The following IPCEF1 variants were observed in gnomAD, a reference collection of about 807,000 sequenced individuals.
The protein encoded by IPCEF1 is interaction protein for cytohesin exchange factors 1, also known as interactor protein for cytohesin exchange factors 1.
In IPCEF1, 31 loss-of-function variants were observed where a neutral mutation model predicts 50.9. The ratio of observed to expected loss-of-function variants is 0.61; its 90% confidence interval spans 0.46 to 0.82. IPCEF1 has a LOEUF of 0.82. IPCEF1 is among the 40% of genes least tolerant of loss of function. The pLI is 0.00. For synonymous variants in IPCEF1, 181 were observed against 192.0 expected, an observed-to-expected ratio of 0.94 and a Z score of 0.47; for missense variants, 458 against 514.0, an observed-to-expected ratio of 0.89 and a Z score of 1.05.
chr6:154,275,471 G>A (rs190718582), intron 2 of IPCEF1, among the ~76,000 whole-genome samples: 65 of 152,276 alleles, frequency 4.3e-4, no homozygotes, highest in African/African-American at 1.4e-3. Flanking sequence ...CACTCCAGCC[G>A]GTGGGGCAAG....
chr6:154,261,258 C>T (rs1034274723), intron 3 of IPCEF1, among the ~76,000 whole-genome samples: 11 of 152,002 alleles, frequency 7.2e-5, no homozygotes, highest in Admixed American at 2.0e-4. Context: ...AACTCCTGGC[C>T]TCAAGTGATC....
At chr6:154,356,351 A>T (rs1211498422) in intron 1 of IPCEF1, among the ~76,000 whole-genome samples, 3 of 152,188 alleles carry the variant, frequency 2.0e-5, no homozygotes, top group African/African-American at 7.2e-5. Context: ...ACTCCTCAGG[A>T]CCCAAATACA....
rs56231733 is a variant in IPCEF1, at chr6:154,192,318, C to CTGTG, written c.910+7346_910+7349dup. ...GACCCAAATGGTGGCCACGTGGTTA[C>CTGTG]TGTGTGTGTGTGTGTGTGTGTGTGT... On this transcript the variant is annotated intron_variant, in intron 10 of 11. Transcript: ENST00000367220. Among the ~76,000 whole-genome samples, 1,154 of 148,114 alleles carry CTGTG rather than the reference C, an allele frequency of 7.8e-3. 6 individuals carry two copies. Among genetic ancestry groups the CTGTG allele is most frequent in the African/African-American group, 0.021 (844 of 40,076 alleles).
intron 1 of IPCEF1, among the ~76,000 whole-genome samples, chr6:154,314,585 C>T (rs780631321): frequency 7.2e-5 from 11 of 152,258 alleles, no homozygotes; most frequent in Middle Eastern, 3.4e-3. Flanking sequence ...AATTCCTTTG[C>T]CTCATCTAAC....
chr6:154,315,363 G>A (rs1011836357), intron 1 of IPCEF1, among the ~76,000 whole-genome samples: 6 of 152,162 alleles, frequency 3.9e-5, no homozygotes, highest in African/African-American at 1.4e-4. Context: ...GGGAAAAACA[G>A]GGTCCGTGAA....
chr6:154,337,568 C>G (rs1412598911), intron 1 of IPCEF1, among the ~76,000 whole-genome samples: 2 of 152,036 alleles, frequency 1.3e-5, no homozygotes, highest in Non-Finnish European at 2.9e-5. Flanking sequence ...GCCTCAGCAG[C>G]TGAATTAGCC....
At chr6:154,214,373 T>C in intron 7 of IPCEF1, 97 bp from the exon 8 acceptor site, 1 of 860,868 alleles carries the variant, frequency 1.2e-6, no homozygotes. Context: ...GTCATGATTC[T>C]ACCATCAGTC....
At chr6:154,270,730 C>G (rs1361830168) in intron 2 of IPCEF1, among the ~76,000 whole-genome samples, 1 of 152,204 alleles carries the variant, frequency 6.6e-6, no homozygotes, top group East Asian at 1.9e-4. Context: ...AATCCCAGCA[C>G]TTTGGGAGGC....
intron 2 of IPCEF1, among the ~76,000 whole-genome samples, chr6:154,276,690 G>A (rs1782071836): frequency 1.3e-5 from 2 of 152,210 alleles, no homozygotes; most frequent in Non-Finnish European, 2.9e-5. Flanking sequence ...TGCTGTCTCA[G>A]AATAATCTTT....
intron 1 of IPCEF1, among the ~76,000 whole-genome samples, chr6:154,340,614 G>A (rs938575196): frequency 5.3e-5 from 8 of 151,790 alleles, no homozygotes; most frequent in South Asian, 4.2e-4. Context: ...GGCCAGGCGC[G>A]GTGACTCACG....
At chr6:154,293,849 A>G (rs1009981906) in intron 1 of IPCEF1, among the ~76,000 whole-genome samples, 2 of 152,224 alleles carry the variant, frequency 1.3e-5, no homozygotes, top group Non-Finnish European at 2.9e-5. Flanking sequence ...AAATATATAA[A>G]TTGGGGCAAG....
intron 2 of IPCEF1, among the ~76,000 whole-genome samples, chr6:154,276,282 A>AG (rs1782058600): frequency 1.1e-4 from 1 of 8,930 alleles, no homozygotes; most frequent in Non-Finnish European, 2.3e-4. Flanking sequence ...AAAAAAGAAA[A>AG]GAAAAAAAAA....
intron 3 of IPCEF1, among the ~76,000 whole-genome samples, chr6:154,251,898 G>T (rs1425923505): frequency 6.6e-6 from 1 of 151,780 alleles, no homozygotes; most frequent in Non-Finnish European, 1.5e-5. Flanking sequence ...GAAGAGCAAA[G>T]TTCCAGGGAA....
chr6:154,279,061 G>A (rs1412774086), intron 2 of IPCEF1, among the ~76,000 whole-genome samples: 2 of 151,176 alleles, frequency 1.3e-5, no homozygotes, highest in Non-Finnish European at 1.5e-5. Flanking sequence ...GGGGATAGAG[G>A]TTGCACTGAG....
chr6:154,208,120 C>T (rs1777653269), intron 9 of IPCEF1, among the ~76,000 whole-genome samples: 1 of 152,142 alleles, frequency 6.6e-6, no homozygotes, highest in Non-Finnish European at 1.5e-5. Context: ...TTATATCCCT[C>T]CTCTGCTCAA....
chr6:154,280,274 CA>C (rs1433071715), intron 2 of IPCEF1, among the ~76,000 whole-genome samples: 3 of 152,052 alleles, frequency 2.0e-5, no homozygotes, highest in Non-Finnish European at 4.4e-5. Context: ...ACAACCAGAA[CA>C]AAAAACAGGG....
chr6:154,226,342 G>A (rs553732833), intron 5 of IPCEF1, among the ~76,000 whole-genome samples: 12 of 152,226 alleles, frequency 7.9e-5, no homozygotes, highest in African/African-American at 2.4e-4. Context: ...CATGGGCCCC[G>A]CAAGAGTAAC....
In IPCEF1 at chr6:154,168,030, G is replaced by A. The variant is rs754352746; in HGVS notation, c.994C>T (p.Arg332Ter). ...AACTCCTTTTTAGTCGAAGGTCGTC[G>A]GTCCCCAAGAGGAGATAGACTAGCT... ...EQASLSPLGD[R>*]RPSTKKELRK... Residue 332 changes from arginine to a stop codon, truncating the protein, a stop_gained, in exon 11 of 12, where the codon CGA (arginine) becomes TGA (stop). Coordinates refer to ENST00000367220, the MANE Select transcript of IPCEF1 (RefSeq NM_001130700.2). LOFTEE classifies it high-confidence loss of function. The surrounding 1 kb of genome is among the most constrained non-coding windows in gnomAD (Gnocchi z 4.1). The A allele has an allele frequency of 1.1e-5, 18 of 1,610,534 alleles. No individual in the cohort carries two copies. The highest frequency in any genetic ancestry group is 1.4e-5 in the Non-Finnish European group (16 of 1,177,496).
chr6:154,276,812 G>A (rs1460034756), intron 2 of IPCEF1, among the ~76,000 whole-genome samples: 1 of 152,176 alleles, frequency 6.6e-6, no homozygotes, highest in Non-Finnish European at 1.5e-5. Context: ...GACACTCAGG[G>A]CAAGACATGC....
Sources: gnomAD v4.1 joint callset for allele counts (sites outside exome capture counted in the v4.1 genomes callset) on GRCh38, gnomAD v4.1.1 for gene constraint, Gnocchi (gnomAD v3.1) non-coding constraint, MANE v1.5 for transcripts, NCBI Gene and HGNC (gene_info 2026-07-23, HGNC 2026-07-21) for gene names.